FAM110A: variants seen among roughly 807,000 people sequenced by gnomAD.
The protein encoded by FAM110A is protein FAM110A.
A neutral mutation model predicts 4.0 loss-of-function variants in FAM110A; 1 was observed. The ratio of observed to expected loss-of-function variants is 0.25; its 90% CI spans 0.09 to 1.20. FAM110A has a LOEUF of 1.20. Among genes scored for constraint, FAM110A ranks in the 50% most tolerant of loss-of-function variants. The probability of loss-of-function intolerance (pLI) is 0.50; values close to 1 mark genes in which losing one functional copy is unlikely to be tolerated. For synonymous variants in FAM110A, 217 were observed against 196.8 expected, an observed-to-expected ratio of 1.10 and a Z score of -0.86; for missense variants, 436 against 429.2, an observed-to-expected ratio of 1.02 and a Z score of -0.14.
At position 846,146 on chromosome 20, in the gene FAM110A, G is replaced by T; in HGVS notation, c.*454G>T. 5.0e-6 allele frequency: 1 copy of T among 199,412 alleles called. No individual in the cohort carries two copies. The highest frequency in any genetic ancestry group is 1.2e-5 in the Non-Finnish European group (1 of 86,956). The allele number at this position is 199,412 out of a possible 1,614,324, so 12.4% of individuals were successfully genotyped here. A position where few individuals can be genotyped will look rare whatever the true frequency, so the allele number is the denominator to read the frequency against. ...CCCTGGGGTCGGGGCAGTGGGGAGG[G>T]GCCTATCCACTGCTCTTCCTAGTCC... On this transcript the variant is annotated 3_prime_UTR_variant, in exon 2 of 2. Transcript: ENST00000381941.
chr20:841,030 C>T (rs2122676336), intron 1 of FAM110A, among the ~76,000 whole-genome samples: 1 of 152,318 alleles, frequency 6.6e-6, no homozygotes, highest in Non-Finnish European at 1.5e-5. Context: ...CTGCCAGAGC[C>T]ACGGGGACCC....
intron 1 of FAM110A, among the ~76,000 whole-genome samples, chr20:835,198 C>CTATATATA (rs1375050641): frequency 6.6e-4 from 91 of 138,742 alleles, no homozygotes; most frequent in African/African-American, 2.3e-3. Context: ...CTCTCTCTCT[C>CTATATATA]TCTATATATA....
chr20:839,858 C>T (rs1979786605), intron 1 of FAM110A: 1 of 1,605,678 alleles, frequency 6.2e-7, no homozygotes. Flanking sequence ...GAAGGTTGGG[C>T]ACATTCTTGT....
At chr20:835,415 G>A (rs1311918948) in intron 1 of FAM110A, among the ~76,000 whole-genome samples, 1 of 151,998 alleles carries the variant, frequency 6.6e-6, no homozygotes, top group Non-Finnish European at 1.5e-5. Flanking sequence ...TGGGCAGAGG[G>A]CAGTCTAGGA....
chr20:844,538 G>A (rs1195577581), intron 1 of FAM110A, among the ~76,000 whole-genome samples, 170 bp from the exon 2 acceptor site: 2 of 152,150 alleles, frequency 1.3e-5, no homozygotes, highest in African/African-American at 2.4e-5. Flanking sequence ...GGGTGTGGGT[G>A]GGGCCTGAGG....
intron 1 of FAM110A, among the ~76,000 whole-genome samples, chr20:837,626 A>T (rs1979651048): frequency 6.6e-6 from 1 of 152,198 alleles, no homozygotes; most frequent in East Asian, 1.9e-4. Context: ...ATAGCTAATC[A>T]TTGGTGGAGC....
In FAM110A at chr20:834,341, C is replaced by T. The variant is rs1655223205; in HGVS notation, c.-98+390C>T. On this transcript the variant is annotated intron_variant, in intron 1 of 1. Transcript: ENST00000381941. This position sits in a 1 kb window ranked among gnomAD's most constrained non-coding sequence, Gnocchi z 5.6. ...CTTCTCCGCAGTCCGGGGTTGGACTCGGCTCATTTGGCGCCTTTCTGTCTA... is the reference window on the plus strand; with the variant it reads ...CTTCTCCGCAGTCCGGGGTTGGACTTGGCTCATTTGGCGCCTTTCTGTCTA... 6.6e-6 allele frequency among the ~76,000 whole-genome samples: 1 copy of T among 152,228 alleles called. No homozygotes were observed. Among genetic ancestry groups the T allele is most frequent in the African/African-American group, 2.4e-5 (1 of 41,456 alleles).
intron 1 of FAM110A, among the ~76,000 whole-genome samples, chr20:835,768 G>A (rs1436609165): frequency 2.0e-5 from 3 of 152,228 alleles, no homozygotes; most frequent in East Asian, 1.9e-4. Context: ...GGCTCTGGAG[G>A]TGGCCCAGCT....
intron 1 of FAM110A, among the ~76,000 whole-genome samples, chr20:836,543 C>T (rs1979586094): frequency 6.6e-6 from 1 of 152,126 alleles, no homozygotes; most frequent in Non-Finnish European, 1.5e-5. Context: ...TTAGAATTTT[C>T]TTTTTTATGG....
chr20:837,661 C>T (rs1979652250), intron 1 of FAM110A, among the ~76,000 whole-genome samples: 1 of 152,100 alleles, frequency 6.6e-6, no homozygotes, highest in Non-Finnish European at 1.5e-5. Context: ...GTTCTGGAGT[C>T]CATGCTATAC....
chr20:838,028 A>T (rs969512996), intron 1 of FAM110A, among the ~76,000 whole-genome samples: 1 of 152,194 alleles, frequency 6.6e-6, no homozygotes, highest in African/African-American at 2.4e-5. Flanking sequence ...ACTAAGATTA[A>T]GACAAACTGT....
Position 845,380 on chromosome 20 carries a change from C to A in FAM110A, c.576C>A (p.Ser192Arg). 1.2e-6 allele frequency: 2 copies of A among 1,612,880 alleles called. No individual in the cohort carries two copies. Among genetic ancestry groups the A allele is most frequent in the Non-Finnish European group, 1.7e-6 (2 of 1,179,652 alleles). Residue 192 changes from serine (S) to arginine (R), a missense_variant, in exon 2 of 2, where the codon AGC becomes AGA. Ser to Arg is a moderately radical substitution (Grantham distance 110). Transcript: ENST00000381941. ...PGLQRSKSDL[S>R]ERFSRAAADL... ...TGCAACGCTCCAAGTCGGACTTGAG[C>A]GAGCGCTTTTCTAGGGCAGCCGCTG...
chr20:837,375 C>T (rs1024262595), intron 1 of FAM110A, among the ~76,000 whole-genome samples: 5 of 152,162 alleles, frequency 3.3e-5, no homozygotes, highest in Non-Finnish European at 5.9e-5. Context: ...TAACCATTAC[C>T]TGTGCTTCTC....
At chr20:839,342 G>T in intron 1 of FAM110A, 1 of 463,238 alleles carries the variant, frequency 2.2e-6, no homozygotes. Flanking sequence ...TTAACATTTT[G>T]TAGAGCTTAG....
At chr20:839,667 G>A (rs756522248) in intron 1 of FAM110A, 21 of 1,214,540 alleles carry the variant, frequency 1.7e-5, no homozygotes, top group Non-Finnish European at 2.4e-5. Context: ...GCGGTGTAGG[G>A]TGGCAGGAAC....
chr20:844,358 G>A (rs2122694535), intron 1 of FAM110A, among the ~76,000 whole-genome samples: 2 of 152,402 alleles, frequency 1.3e-5, no homozygotes, highest in South Asian at 4.1e-4. Flanking sequence ...CTGAGGTTGA[G>A]TTGACTGGTG....
At chr20:839,608 G>A (rs1418929865) in intron 1 of FAM110A, 15 of 1,073,122 alleles carry the variant, frequency 1.4e-5, no homozygotes, top group South Asian at 6.3e-5. Flanking sequence ...CTTGCAGGTC[G>A]CTTACCCTCC....
chr20:844,677 T>A, intron 1 of FAM110A, 31 bp from the exon 2 acceptor site: 9 of 999,698 alleles, frequency 9.0e-6, no homozygotes, highest in Non-Finnish European at 1.1e-5. Flanking sequence ...GCGCTCGGCT[T>A]TTTTTTTTTT....
chr20:837,048 T>TTC (rs1482248704), intron 1 of FAM110A, among the ~76,000 whole-genome samples: 1 of 138,450 alleles, frequency 7.2e-6, no homozygotes, highest in African/African-American at 2.7e-5. Flanking sequence ...CTGCATTGTT[T>TTC]TTTTTTTTTT....
Sources: allele counts gnomAD v4.1 joint callset (sites outside exome capture counted in the v4.1 genomes callset), GRCh38; gene constraint gnomAD v4.1.1; non-coding constraint Gnocchi (gnomAD v3.1); transcripts MANE v1.5; gene names NCBI Gene and HGNC (gene_info 2026-07-23, HGNC 2026-07-21).